The following FASN variants were observed in gnomAD, a reference collection of about 807,000 sequenced individuals.
The protein encoded by FASN is 3-hydroxyacyl-[acyl-carrier-protein] dehydratase.
A neutral mutation model predicts 250.0 loss-of-function variants in FASN; 50 were observed. The observed-to-expected ratio is 0.20, with a 90% CI of 0.16 to 0.25. The LOEUF (loss-of-function observed/expected upper bound fraction) is 0.25, where lower values mean the gene tolerates loss of function less well. FASN is among the 10% of genes least tolerant of loss of function. The pLI is 1.00. For synonymous variants in FASN, 1,909 were observed against 1,584.0 expected (o/e 1.21, Z -4.87); for missense variants, 3,031 against 3,498.5 (o/e 0.87, Z 3.37).
At position 82,088,116 on chromosome 17, in the gene FASN, C is replaced by T; in HGVS notation, c.2785G>A (p.Gly929Arg). The change falls in exon 17 of 43, where the codon GGG (glycine) becomes AGG (arginine). Residue 929 changes from glycine to arginine, a missense_variant and splice_region_variant. Transcript: ENST00000306749. Reference protein sequence around the residue: ...LHQATILPKTGTVSLEVRLLE... With the variant: ...LHQATILPKTRTVSLEVRLLE... ...GCCTTGGTCCTGGGGTACCCCTCAC[C>T]AGTCTTGGGCAGGATGGTGGCCTGG... 6.2e-7 allele frequency: 1 copy of T among 1,612,794 alleles called. No homozygotes were observed. Among genetic ancestry groups the T allele is most frequent in the Non-Finnish European group, 8.5e-7 (1 of 1,179,970 alleles).
chr17:82,092,856 C>T lies in FASN; in HGVS notation c.778+41G>A, dbSNP rs371130658. Reference sequence around the variant, plus strand: ...AGTGCTGCAGCCCCAGCCCCGGCTCCCACCTGCCCCCCAGCACCCCGGAAC... The same window carrying T: ...AGTGCTGCAGCCCCAGCCCCGGCTCTCACCTGCCCCCCAGCACCCCGGAAC... On this transcript the variant is annotated intron_variant, in intron 6 of 42. Transcript: ENST00000306749. The T allele has an allele frequency of 2.5e-5, 39 of 1,587,254 alleles. No individual in the cohort carries two copies. In the African/African-American group the frequency reaches 3.0e-4, roughly 12 times the overall value.
At position 82,082,397 on chromosome 17, in the gene FASN, C is replaced by A; in HGVS notation, c.5937G>T (p.Leu1979Phe). The A allele has an allele frequency of 6.2e-7, 1 of 1,612,838 alleles. No homozygotes were observed. The highest frequency in any genetic ancestry group is 1.7e-5 in the Admixed American group (1 of 60,022). ...AGAACTCTGGGGTCTGGTTCTCCAG[C>A]AAGCCATCTCTCAAGACCTGGGGGA... ...FNLAVVLRDG[L>F]LENQTPEFFQ... The change falls in exon 35 of 43, where the codon TTG becomes TTT. Residue 1979 changes from leucine (L) to phenylalanine (F), a missense_variant. Coordinates refer to ENST00000306749, the MANE Select transcript of FASN (RefSeq NM_004104.5).
rs2034139745 is a variant in FASN, at chr17:82,088,203, C to T, written c.2698G>A (p.Ala900Thr). Residue 900 changes from alanine (A) to threonine (T), a missense_variant, in exon 17 of 43, where the codon GCC (alanine) becomes ACC (threonine). Physicochemically the swap from Ala to Thr is moderately conservative, Grantham distance 58. Coordinates refer to ENST00000306749, the MANE Select transcript of FASN (RefSeq NM_004104.5). The stretch of plus-strand genomic sequence containing the variant: ...TCGACGCCCAGGCCCAGGGCGCGGG[C>T]CAGCGTCTTCCACACTATGCTCAGG... Reference protein sequence around the residue: ...GYLSIVWKTLARALGLGVEQL... With the variant: ...GYLSIVWKTLTRALGLGVEQL... 6.2e-7 allele frequency: 1 copy of T among 1,611,896 alleles called. No homozygotes were observed. The highest frequency in any genetic ancestry group is 1.3e-5 in the African/African-American group (1 of 74,948).
intron 37 of FASN, 52 bp downstream of exon 37, chr17:82,081,549 C>A (rs1188514112): frequency 6.2e-7 from 1 of 1,607,122 alleles, no homozygotes; most frequent in Non-Finnish European, 8.5e-7. Flanking sequence ...GTCCCAAGAC[C>A]CTGATGCCAG....
rs760065786 is a variant in FASN at position 82,086,292 on chromosome 17, C to T, written c.3694G>A (p.Val1232Met). The T allele has an allele frequency of 3.0e-5, 47 of 1,591,592 alleles. No homozygotes were observed. Among genetic ancestry groups the T allele is most frequent in the Middle Eastern group, 1.7e-4 (1 of 5,990 alleles). Residue 1232 changes from valine to methionine, a missense_variant, in exon 22 of 43, where the codon GTG becomes ATG. Physicochemically the swap from Val to Met is conservative, Grantham distance 21. Coordinates refer to ENST00000306749, the MANE Select transcript of FASN (RefSeq NM_004104.5). ...ATCTTCAGGCTGGGCATGTTCTCCA[C>T]GGCAGTGTCCAGGCAGGCCTTGAGT... ...PALKACLDTA[V>M]ENMPSLKMKV...
rs139785047 is a variant in FASN at position 82,090,997 on chromosome 17, C to T, written c.1565G>A (p.Arg522His). The change falls in exon 10 of 43, where the codon CGC (arginine) becomes CAC (histidine). Residue 522 changes from arginine to histidine, a missense_variant. Arg to His is a conservative substitution (Grantham distance 29). Coordinates refer to ENST00000306749, the MANE Select transcript of FASN (RefSeq NM_004104.5). ...RLDRFRDSILRSDEAVKPFGL... is the reference protein window; with the variant it reads ...RLDRFRDSILHSDEAVKPFGL... ...GAATGGCTTCACAGCCTCATCGGAG[C>T]GTAGGATGGAATCTCGGAAGCGGTC... The T allele has an allele frequency of 2.2e-4, 362 of 1,612,860 alleles. 1 individual carries two copies. In the African/African-American group the frequency reaches 4.2e-3, roughly 19 times the overall value.
intron 2 of FASN, 151 bp from the exon 3 acceptor site, chr17:82,095,623 G>A (rs560890427): frequency 2.0e-6 from 2 of 979,804 alleles, no homozygotes; most frequent in African/African-American, 3.2e-5. Context: ...GGCTCCCCAG[G>A]AGGGGAAGAC....
At position 82,082,602 on chromosome 17, in the gene FASN, T is replaced by C. The variant is rs1181456960; in HGVS notation, c.5844A>G (p.Ser1948=). 6.2e-7 allele frequency: 1 copy of C among 1,610,688 alleles called. No individual in the cohort carries two copies. Among genetic ancestry groups the C allele is most frequent in the Non-Finnish European group, 8.5e-7 (1 of 1,179,860 alleles). ...CAATGAGGCCCCGGGCCCCCTCCAG[T>C]GAGCTGATGTTGCTGGTGGACACCT... is the stretch of plus-strand genomic sequence containing the variant. ...QVQVSTSNIS[S]LEGARGLIAE... The change falls in exon 34 of 43, where the codon TCA becomes TCG. Residue 1948 remains serine, a synonymous_variant. Coordinates refer to ENST00000306749, the MANE Select transcript of FASN (RefSeq NM_004104.5).
intron 26 of FASN, 21 bp from the exon 27 acceptor site, chr17:82,084,737 G>A: frequency 1.9e-6 from 3 of 1,551,618 alleles, no homozygotes; most frequent in Admixed American, 2.0e-5. Context: ...AGGGAGGTGG[G>A]GCTGCTGCGG....
In FASN at chr17:82,078,455, C is replaced by T. The variant is rs1266368427; in HGVS notation, c.*688G>A. On this transcript the variant is annotated 3_prime_UTR_variant, in exon 43 of 43. Coordinates refer to ENST00000306749, the MANE Select transcript of FASN (RefSeq NM_004104.5). This position sits in a 1 kb window ranked among gnomAD's most constrained non-coding sequence, Gnocchi z 5.4. ...GACAGTTACAGTAAATTTCAAAATC[C>T]AAGCAGCAATTTGAATCATTTCTTG... is the stretch of plus-strand genomic sequence containing the variant. 1.3e-5 allele frequency: 2 copies of T among 153,626 alleles called. No homozygotes were observed. The highest frequency in any genetic ancestry group is 2.4e-5 in the African/African-American group (1 of 41,448). The allele number at this position is 153,626 out of a possible 1,614,324, so 9.5% of individuals were successfully genotyped here. A position where few individuals can be genotyped will look rare whatever the true frequency, so the allele number is the denominator to read the frequency against.
Position 82,086,518 on chromosome 17 carries a change from C to A in FASN, c.3468G>T (p.Gly1156=). 3 of 1,612,344 alleles carry A rather than the reference C, an allele frequency of 1.9e-6. No individual in the cohort carries two copies. Among genetic ancestry groups the A allele is most frequent in the Non-Finnish European group, 2.5e-6 (3 of 1,179,980 alleles). Residue 1156 remains glycine (G), a synonymous_variant, in exon 22 of 43, where the codon GGG becomes GGT. Coordinates refer to ENST00000306749, the MANE Select transcript of FASN (RefSeq NM_004104.5). The part of the protein sequence containing the change: ...QALQTKVTQQ[G]LKMVVPGLDG... ...CCAGTCCGGGCACCACCATCTTCAG[C>A]CCCTGCTGGGTCACCTTGGTCTGCA...
At chr17:82,082,810 C>G in intron 33 of FASN, 104 bp downstream of exon 33, 3 of 1,549,160 alleles carry the variant, frequency 1.9e-6, no homozygotes, top group Non-Finnish European at 1.8e-6. Flanking sequence ...GGGGACAGAC[C>G]CCAGGCACCG....
In FASN at chr17:82,085,803, C is replaced by T. The variant is rs1227438541; in HGVS notation, c.3801G>A (p.Gln1267=). 3 of 1,562,970 alleles carry T rather than the reference C, an allele frequency of 1.9e-6. No homozygotes were observed. The highest frequency in any genetic ancestry group is 2.6e-6 in the Non-Finnish European group (3 of 1,156,222). The change falls in exon 23 of 43, where the codon CAG becomes CAA. Residue 1267 remains glutamine (Q), a synonymous_variant. Transcript: ENST00000306749. Reference sequence around the variant, plus strand: ...GGCGGTCGGTGGCCGTGTAGCTCAGCTGCAGCAGGGGATGGGGGCTGAGCA... The same window carrying T: ...GGCGGTCGGTGGCCGTGTAGCTCAGTTGCAGCAGGGGATGGGGGCTGAGCA... The part of the protein sequence containing the change: ...PGLLSPHPLL[Q]LSYTATDRHP...
chr17:82,089,730 T>C lies in FASN; in HGVS notation c.1871-4A>G, dbSNP rs371846334. 2.9e-5 allele frequency: 46 copies of C among 1,583,890 alleles called. No individual in the cohort carries two copies. In the African/African-American group the frequency reaches 5.9e-4, roughly 20 times the overall value. On this transcript the variant is annotated splice_polypyrimidine_tract_variant and splice_region_variant and intron_variant, in intron 11 of 42. Coordinates refer to ENST00000306749, the MANE Select transcript of FASN (RefSeq NM_004104.5). ...TTACACTCCTCCCAGGACAAGCCTA[T>C]GGCAGAGCCAGCCTCAGAGGCTTAG... is the stretch of plus-strand genomic sequence containing the variant.
At chr17:82,087,543 G>A (rs1391562152) in intron 19 of FASN, 39 bp from the exon 20 acceptor site, 3 of 1,609,146 alleles carry the variant, frequency 1.9e-6, no homozygotes, top group East Asian at 2.2e-5. Context: ...GAACTCCCAG[G>A]TCCCTGGGGC....
chr17:82,093,045 G>C, intron 5 of FASN, 26 bp from the exon 6 acceptor site: 1 of 1,610,188 alleles, frequency 6.2e-7, no homozygotes, highest in South Asian at 1.1e-5. Context: ...CCTCAGGCCC[G>C]GGGCTCAGCC....
chr17:82,080,073 T>A, intron 41 of FASN, 67 bp downstream of exon 41: 2 of 1,514,192 alleles, frequency 1.3e-6, no homozygotes, highest in Non-Finnish European at 1.8e-6. Context: ...ATCCCATCCT[T>A]CCCTTCCCCC....
rs2034104751 is a variant in FASN at position 82,086,528 on chromosome 17, G to A, written c.3458C>T (p.Thr1153Ile). Residue 1153 changes from threonine to isoleucine, a missense_variant, in exon 22 of 43, where the codon ACC becomes ATC. Coordinates refer to ENST00000306749, the MANE Select transcript of FASN (RefSeq NM_004104.5). ...CACCACCATCTTCAGCCCCTGCTGG[G>A]TCACCTTGGTCTGCAGTGCCTGCAC... Reference protein sequence around the residue: ...GLVQALQTKVTQQGLKMVVPG... With the variant: ...GLVQALQTKVIQQGLKMVVPG... 1 of 1,612,092 alleles carries A rather than the reference G, an allele frequency of 6.2e-7. No homozygotes were observed. Among genetic ancestry groups the A allele is most frequent in the Non-Finnish European group, 8.5e-7 (1 of 1,179,958 alleles).
intron 22 of FASN, among the ~76,000 whole-genome samples, 180 bp downstream of exon 22, chr17:82,086,074 G>A (rs149774462): frequency 6.6e-6 from 1 of 152,190 alleles, no homozygotes; most frequent in Non-Finnish European, 1.5e-5. Flanking sequence ...GCCCACGGGC[G>A]GACCCTCCAC....
Sources: gnomAD v4.1 joint callset for allele counts (sites outside exome capture counted in the v4.1 genomes callset) on GRCh38, gnomAD v4.1.1 for gene constraint, Gnocchi (gnomAD v3.1) non-coding constraint, MANE v1.5 for transcripts, NCBI Gene and HGNC (gene_info 2026-07-23, HGNC 2026-07-21) for gene names.